The following RAD54B variants were observed in gnomAD, a reference collection of about 807,000 sequenced individuals.
RAD54B encodes DNA repair and recombination protein RAD54B.
A neutral mutation model predicts 95.8 loss-of-function variants in RAD54B; 78 were observed. The ratio of observed to expected loss-of-function variants is 0.81; its 90% CI spans 0.68 to 0.98. RAD54B has a LOEUF of 0.98. RAD54B is among the 50% of genes least tolerant of loss of function. The probability of loss-of-function intolerance (pLI) is 0.00; values close to 1 mark genes in which losing one functional copy is unlikely to be tolerated. For synonymous variants in RAD54B, 328 were observed against 354.9 expected, an observed-to-expected ratio of 0.92 and a Z score of 0.85; for missense variants, 957 against 1,056.6, an observed-to-expected ratio of 0.91 and a Z score of 1.31.
chr8:94,395,349 C>T (rs1811118209), intron 8 of RAD54B, among the ~76,000 whole-genome samples: 1 of 152,072 alleles, frequency 6.6e-6, no homozygotes, highest in Non-Finnish European at 1.5e-5. Flanking sequence ...AGAATGGCCT[C>T]AGCTATAATT....
At chr8:94,444,004 A>C (rs10956912) in intron 3 of RAD54B, among the ~76,000 whole-genome samples, 18,351 of 151,978 alleles carry the variant, frequency 0.12, 2,001 homozygotes, top group East Asian at 0.33. Context: ...TTGAGTCTTC[A>C]TTTACTTATG....
chr8:94,415,541 T>C (rs1811642227), intron 3 of RAD54B, among the ~76,000 whole-genome samples: 1 of 135,366 alleles, frequency 7.4e-6, no homozygotes, highest in African/African-American at 2.7e-5. Context: ...CTAAAGAGCT[T>C]CTGCACAGCA....
At chr8:94,466,968 A>G (rs1813038373) in intron 2 of RAD54B, among the ~76,000 whole-genome samples, 1 of 152,194 alleles carries the variant, frequency 6.6e-6, no homozygotes, top group Non-Finnish European at 1.5e-5. Context: ...TGTGTTGCCC[A>G]GGCTGGATGG....
chr8:94,458,383 G>A lies in RAD54B; in HGVS notation c.189C>T (p.Cys63=), dbSNP rs765159761. ...FLPSQNDLRI[C]SLNLPSEEST... ...TTTCTTCACTAGGCAGATTTAAACT[G>A]CATATTCTAAGATCATTTTGTGACG... is the stretch of plus-strand genomic sequence containing the variant. The change falls in exon 3 of 15, where the codon TGC becomes TGT. Residue 63 remains cysteine, a synonymous_variant. Transcript: ENST00000336148. 29 of 1,603,608 alleles carry A rather than the reference G, an allele frequency of 1.8e-5. No homozygotes were observed. In the South Asian group the frequency reaches 3.2e-4, roughly 18 times the overall value.
intron 8 of RAD54B, among the ~76,000 whole-genome samples, chr8:94,397,725 C>T (rs1250575492): frequency 6.6e-6 from 1 of 152,046 alleles, no homozygotes; most frequent in Non-Finnish European, 1.5e-5. Context: ...ATTTCTCACT[C>T]TTCTTTTTTA....
rs147142817 is a variant in RAD54B, at chr8:94,380,347, C to T, written c.2045G>A (p.Arg682His). 7.0e-5 allele frequency: 113 copies of T among 1,613,816 alleles called. No homozygotes were observed. Among genetic ancestry groups the T allele is most frequent in the Non-Finnish European group, 7.2e-5 (85 of 1,179,812 alleles). Residue 682 changes from arginine (R) to histidine (H), a missense_variant, in exon 12 of 15, where the codon CGT becomes CAT. Transcript: ENST00000336148. ...TLNILQEVCK[R>H]HGYAYTRLDG... Reference sequence around the variant, plus strand: ...AAGTCTTGTATAAGCATATCCATGACGCTTACATACTTCTTGTAAAATGTT... The same window carrying T: ...AAGTCTTGTATAAGCATATCCATGATGCTTACATACTTCTTGTAAAATGTT...
chr8:94,429,400 T>A (rs978215293), intron 3 of RAD54B: 238 of 861,908 alleles, frequency 2.8e-4, no homozygotes, highest in Non-Finnish European at 3.2e-4. Flanking sequence ...CACTTTTTTT[T>A]AACACAGATC....
chr8:94,466,531 C>T (rs1030820047), intron 2 of RAD54B, among the ~76,000 whole-genome samples: 2 of 151,974 alleles, frequency 1.3e-5, no homozygotes, highest in Admixed American at 6.6e-5. Context: ...CCTCAGTCTC[C>T]GGAGTAGCTG....
intron 2 of RAD54B, among the ~76,000 whole-genome samples, chr8:94,466,935 G>C (rs1813038020): frequency 1.3e-5 from 2 of 151,974 alleles, no homozygotes; most frequent in Admixed American, 1.3e-4. Flanking sequence ...TCCATTGATT[G>C]ATTGAATGAG....
intron 3 of RAD54B, among the ~76,000 whole-genome samples, chr8:94,414,115 C>A (rs371072288): frequency 6.6e-6 from 1 of 152,006 alleles, no homozygotes; most frequent in Non-Finnish European, 1.5e-5. Flanking sequence ...GGATTACAGG[C>A]GTGAGCCACT....
chr8:94,408,115 G>A (rs74550551), intron 4 of RAD54B, among the ~76,000 whole-genome samples: 2,162 of 152,228 alleles, frequency 0.014, 46 homozygotes, highest in African/African-American at 0.048. Context: ...AAATGTGAAG[G>A]AGAACTAGCA....
chr8:94,392,008 A>G, intron 9 of RAD54B, 109 bp from the exon 10 acceptor site: 1 of 1,059,292 alleles, frequency 9.4e-7, no homozygotes, highest in African/African-American at 1.6e-5. Flanking sequence ...CTTCCCAACA[A>G]ATTTTAAAAG....
intron 2 of RAD54B, among the ~76,000 whole-genome samples, chr8:94,461,032 A>G (rs1812887326): frequency 6.6e-6 from 1 of 151,994 alleles, no homozygotes; most frequent in South Asian, 2.1e-4. Context: ...CACAGATTCC[A>G]GTGATTAGGA....
intron 14 of RAD54B, among the ~76,000 whole-genome samples, chr8:94,373,547 G>A (rs1208950856): frequency 1.3e-5 from 2 of 152,200 alleles, no homozygotes; most frequent in African/African-American, 4.8e-5. Flanking sequence ...AGGTCCAAAT[G>A]GATGGAAGAG....
At position 94,416,795 on chromosome 8, in the gene RAD54B, G is replaced by A. The variant is rs1007427982; in HGVS notation, c.305-5480C>T. Among the ~76,000 whole-genome samples, 27 of 152,204 alleles carry A rather than the reference G, an allele frequency of 1.8e-4. No individual in the cohort carries two copies. In the South Asian group the frequency reaches 3.7e-3, roughly 21 times the overall value. On this transcript the variant is annotated intron_variant, in intron 3 of 14. Coordinates refer to ENST00000336148, the MANE Select transcript of RAD54B (RefSeq NM_012415.3). ...TACCCTGCTGGTAGGAGTATAAAAT[G>A]GTGCAGCACTTTGGAAAAACCAGCA...
Position 94,432,301 on chromosome 8 carries a change from G to T in RAD54B, c.305-20986C>A, listed in dbSNP as rs1217789532. ...TTTTTTTGATTTTCTAAAATTATCT[G>T]ATGCTCCTCTTTCAACATTTGCAGG... is the stretch of plus-strand genomic sequence containing the variant. On this transcript the variant is annotated intron_variant, in intron 3 of 14. Transcript: ENST00000336148. 1.9e-6 allele frequency: 3 copies of T among 1,550,102 alleles called. No individual in the cohort carries two copies. In the Admixed American group the frequency reaches 5.9e-5, roughly 30 times the overall value.
Position 94,473,414 on chromosome 8 carries a change from GCA to G in RAD54B, c.-17+1585_-17+1586del, listed in dbSNP as rs199566855. On this transcript the variant is annotated intron_variant, in intron 1 of 14. Coordinates refer to ENST00000336148, the MANE Select transcript of RAD54B (RefSeq NM_012415.3). Reference sequence around the variant, plus strand: ...TGGACTGACACTTTCTAATGGTCTTGCACAGTTTACTTTGGCTCCATGTGTCT... The same window carrying G: ...TGGACTGACACTTTCTAATGGTCTTGCAGTTTACTTTGGCTCCATGTGTCT... Among the ~76,000 whole-genome samples the G allele has an allele frequency of 6.9e-4, 105 of 152,326 alleles. 1 individual carries two copies. In the East Asian group the frequency reaches 0.016, roughly 23 times the overall value.
At chr8:94,384,081 T>C (rs1810810040) in intron 11 of RAD54B, among the ~76,000 whole-genome samples, 1 of 152,090 alleles carries the variant, frequency 6.6e-6, no homozygotes, top group African/African-American at 2.4e-5. Flanking sequence ...TGTATACATA[T>C]GTAACAAACC....
At chr8:94,380,736 C>G (rs530868270) in intron 11 of RAD54B, among the ~76,000 whole-genome samples, 27 of 152,290 alleles carry the variant, frequency 1.8e-4, no homozygotes, top group African/African-American at 6.5e-4. Context: ...GTGAAGCAGT[C>G]ACCTGCTTAG....
Sources: allele counts gnomAD v4.1 joint callset (sites outside exome capture counted in the v4.1 genomes callset), GRCh38; gene constraint gnomAD v4.1.1; transcripts MANE v1.5; gene names NCBI Gene and HGNC (gene_info 2026-07-23, HGNC 2026-07-21).